Variants in CREB5 observed in about 807,000 individuals in gnomAD.
CREB5 encodes cyclic AMP-responsive element-binding protein 5.
A neutral mutation model predicts 57.1 loss-of-function variants in CREB5; 19 were observed. The ratio of observed to expected loss-of-function variants is 0.33; its 90% CI spans 0.23 to 0.49. The LOEUF is 0.49. CREB5 is among the 20% of genes least tolerant of loss of function. The pLI, the probability that CREB5 is intolerant of heterozygous loss-of-function variation, is 0.99. For missense variants in CREB5, 579 were observed against 671.6 expected, an observed-to-expected ratio of 0.86 and a Z score of 1.52; for synonymous variants, 238 against 238.3, an observed-to-expected ratio of 1.00 and a Z score of 0.01.
At chr7:28,513,342 G>A (rs1251787037) in intron 4 of CREB5, 1 of 152,178 alleles carries the variant, frequency 6.6e-6, no homozygotes, top group Non-Finnish European at 1.5e-5. Context: ...CCAGAAGTAT[G>A]GAGAAAAAGA....
rs112794318 is a variant in CREB5 at position 28,484,156 on chromosome 7, G to C, written c.4-4019G>C. Among the ~76,000 whole-genome samples the C allele has an allele frequency of 5.3e-5, 8 of 152,330 alleles. 1 individual carries two copies. Among genetic ancestry groups the C allele is most frequent in the African/African-American group, 1.9e-4 (8 of 41,582 alleles). ...ACAACTGAATGGGAAATGAGAGGATGAGGACTCAGGGAGAACAGCCTCGTT... is the reference window on the plus strand; with the variant it reads ...ACAACTGAATGGGAAATGAGAGGATCAGGACTCAGGGAGAACAGCCTCGTT... On this transcript the variant is annotated intron_variant, in intron 1 of 10. Coordinates refer to ENST00000357727, the MANE Select transcript of CREB5 (RefSeq NM_182898.4).
intron 1 of CREB5, among the ~76,000 whole-genome samples, chr7:28,427,566 C>T (rs567011997): frequency 3.9e-5 from 6 of 151,990 alleles, no homozygotes; most frequent in East Asian, 1.9e-4. Flanking sequence ...GTTTTGGATA[C>T]GCTCACACTT....
chr7:28,503,373 A>G (rs1792346264), intron 3 of CREB5, among the ~76,000 whole-genome samples: 1 of 152,170 alleles, frequency 6.6e-6, no homozygotes, highest in African/African-American at 2.4e-5. Flanking sequence ...TTACAATCCT[A>G]CTGACTCTCT....
At chr7:28,560,891 T>TGTGCGCGTGCGTGTGCGTGTGTGTGTGC (rs1795148771) in intron 4 of CREB5, among the ~76,000 whole-genome samples, 1 of 19,726 alleles carries the variant, frequency 5.1e-5, no homozygotes, top group African/African-American at 2.2e-4. Context: ...TGCGTGCGTG[T>TGTGCGCGTGCGTGTGCGTGTGTGTGTGC]GTGTGCGTGC....
chr7:28,576,461 CAT>C (rs1210567038), intron 5 of CREB5, among the ~76,000 whole-genome samples: 3 of 152,172 alleles, frequency 2.0e-5, no homozygotes, highest in African/African-American at 2.4e-5. Flanking sequence ...CTCAAAAGCA[CAT>C]GTTTCCCCAT....
intron 5 of CREB5, among the ~76,000 whole-genome samples, chr7:28,572,742 T>C (rs191004692): frequency 1.1e-3 from 161 of 152,286 alleles, no homozygotes; most frequent in Non-Finnish European, 1.8e-3. Flanking sequence ...ACTCTGTTGA[T>C]AATTTACCCA....
chr7:28,730,442 C>T (rs1202580056), intron 7 of CREB5, among the ~76,000 whole-genome samples: 1 of 152,038 alleles, frequency 6.6e-6, no homozygotes, highest in Non-Finnish European at 1.5e-5. Flanking sequence ...ACTTCAACCT[C>T]CCAGACTGCT....
intron 5 of CREB5, among the ~76,000 whole-genome samples, 180 bp from the exon 6 acceptor site, chr7:28,718,573 G>T (rs1802837187): frequency 6.6e-6 from 1 of 152,214 alleles, no homozygotes; most frequent in Non-Finnish European, 1.5e-5. Flanking sequence ...AAGCAGCAAA[G>T]GAAACCAGGC....
chr7:28,501,776 C>G (rs1240309269), intron 3 of CREB5, among the ~76,000 whole-genome samples: 1 of 152,146 alleles, frequency 6.6e-6, no homozygotes, highest in Admixed American at 6.6e-5. Flanking sequence ...AGTTGGAACA[C>G]TTGGGGTAGC....
chr7:28,619,866 T>A (rs1797730902), intron 5 of CREB5, among the ~76,000 whole-genome samples: 1 of 152,096 alleles, frequency 6.6e-6, no homozygotes, highest in African/African-American at 2.4e-5. Flanking sequence ...AAAGGTGAGA[T>A]CTTAGGTTAG....
chr7:28,584,092 C>T (rs937437977), intron 5 of CREB5, among the ~76,000 whole-genome samples: 3 of 152,128 alleles, frequency 2.0e-5, no homozygotes, highest in Non-Finnish European at 2.9e-5. Flanking sequence ...CAGTCAAGCC[C>T]GAACTCTGCC....
chr7:28,315,412 C>A (rs770371294), intron 1 of CREB5, among the ~76,000 whole-genome samples: 1 of 152,190 alleles, frequency 6.6e-6, no homozygotes, highest in Non-Finnish European at 1.5e-5. Flanking sequence ...CTTCTGTTAG[C>A]CGCTTCTCTT....
chr7:28,763,297 T>A (rs1429447961), intron 7 of CREB5, among the ~76,000 whole-genome samples: 1 of 152,206 alleles, frequency 6.6e-6, no homozygotes, highest in East Asian at 1.9e-4. Context: ...GTATATACAT[T>A]ATACACAAGT....
chr7:28,607,540 T>C (rs933440693), intron 5 of CREB5, among the ~76,000 whole-genome samples: 7 of 152,158 alleles, frequency 4.6e-5, no homozygotes, highest in Non-Finnish European at 8.8e-5. Flanking sequence ...CCATTTGCCT[T>C]ATGGATTTGA....
chr7:28,683,137 C>G (rs1800685549), intron 5 of CREB5, among the ~76,000 whole-genome samples: 1 of 152,188 alleles, frequency 6.6e-6, no homozygotes, highest in Non-Finnish European at 1.5e-5. Context: ...CATCTTATGA[C>G]TTCTATCTAC....
At chr7:28,722,876 T>A (rs2128748555) in intron 6 of CREB5, among the ~76,000 whole-genome samples, 1 of 152,348 alleles carries the variant, frequency 6.6e-6, no homozygotes, top group Non-Finnish European at 1.5e-5. Context: ...CTAGCACCTC[T>A]ACTAACCCAC....
chr7:28,453,653 A>G (rs1418324481), intron 1 of CREB5, among the ~76,000 whole-genome samples: 3 of 151,964 alleles, frequency 2.0e-5, no homozygotes, highest in Non-Finnish European at 4.4e-5. Context: ...GGCCCATAAC[A>G]CCCCTCCAAT....
intron 1 of CREB5, among the ~76,000 whole-genome samples, chr7:28,463,580 C>T (rs1056277609): frequency 1.2e-4 from 19 of 152,096 alleles, no homozygotes; most frequent in African/African-American, 4.3e-4. Flanking sequence ...GATTTAGGTA[C>T]ACTTTAGCTT....
chr7:28,482,440 T>C (rs1053589009), intron 1 of CREB5, among the ~76,000 whole-genome samples: 2 of 152,212 alleles, frequency 1.3e-5, no homozygotes, highest in Admixed American at 6.5e-5. Context: ...TTAACTAATA[T>C]AATTAATAAA....
Sources: gnomAD v4.1 joint callset for allele counts (sites outside exome capture counted in the v4.1 genomes callset) on GRCh38, gnomAD v4.1.1 for gene constraint, MANE v1.5 for transcripts, NCBI Gene and HGNC (gene_info 2026-07-23, HGNC 2026-07-21) for gene names.